The following SULT1A1 variants were observed in gnomAD, a reference collection of about 807,000 sequenced individuals.
The protein encoded by SULT1A1 is sulfotransferase 1A1.
In SULT1A1, 35 loss-of-function variants were observed where a neutral mutation model predicts 36.8. That is an observed-to-expected ratio of 0.95 (90% CI 0.73 to 1.26). SULT1A1 has a LOEUF of 1.26. Among genes scored for constraint, SULT1A1 ranks in the 50% most tolerant of loss-of-function variants. The probability of loss-of-function intolerance (pLI) is 0.00; values close to 1 mark genes in which losing one functional copy is unlikely to be tolerated. For missense variants in SULT1A1, 309 were observed against 383.0 expected, an observed-to-expected ratio of 0.81 and a Z score of 1.61; for synonymous variants, 119 against 146.0, an observed-to-expected ratio of 0.82 and a Z score of 1.33.
intron 1 of SULT1A1, chr16:28,620,226 A>T: frequency 8.5e-7 from 1 of 1,177,796 alleles, no homozygotes; most frequent in Non-Finnish European, 1.2e-6. Flanking sequence ...AATGCAAAGT[A>T]ACCATCACTA....
At chr16:28,610,107 G>C, upstream of SULT1A1, 1 of 1,284,968 alleles carries the variant, frequency 7.8e-7, no homozygotes, top group Admixed American at 2.3e-5. Flanking sequence ...GTGGGGTTGG[G>C]GGTGGGGGAG....
At chr16:28,609,157 G>A in intron 1 of SULT1A1, 1 of 1,382,972 alleles carries the variant, frequency 7.2e-7, no homozygotes, top group Non-Finnish European at 9.4e-7. Flanking sequence ...ATGTCAGGGT[G>A]TGTGAAGGTC....
intron 2 of SULT1A1, among the ~76,000 whole-genome samples, chr16:28,616,418 C>G (rs906370077): frequency 6.6e-6 from 1 of 152,090 alleles, no homozygotes; most frequent in African/African-American, 2.4e-5. Flanking sequence ...TCTTGAGTAG[C>G]TGGGATTACA....
At chr16:28,622,321 G>A (rs2047672947) in intron 1 of SULT1A1, among the ~76,000 whole-genome samples, 1 of 152,084 alleles carries the variant, frequency 6.6e-6, no homozygotes, top group Admixed American at 6.6e-5. Flanking sequence ...AATGAACCCC[G>A]GTATTTTTCA....
At position 28,617,783 on chromosome 16, in the gene SULT1A1, G is replaced by A. The variant is rs540354697; in HGVS notation, c.138+2280C>T. The stretch of plus-strand genomic sequence containing the variant: ...TCTCAATCTCTTGACCTAGTGATCC[G>A]CCTGCCAAAGTGCTGGGATTACAGG... On this transcript the variant is annotated intron_variant, in intron 2 of 5. Transcript: ENST00000350842. 3.2e-4 allele frequency among the ~76,000 whole-genome samples: 48 copies of A among 152,018 alleles called. 1 individual carries two copies. The South Asian group carries it at 9.6e-3, about 30-fold the overall frequency.
At chr16:28,607,140 T>C (rs1596628955) in intron 4 of SULT1A1, 63 bp from the exon 5 acceptor site, 1 of 1,599,302 alleles carries the variant, frequency 6.3e-7, no homozygotes, top group African/African-American at 1.3e-5. Flanking sequence ...GGCCAGCTCA[T>C]CTCTTGGATT....
intron 2 of SULT1A1, among the ~76,000 whole-genome samples, chr16:28,619,635 G>A (rs937441228): frequency 4.0e-5 from 6 of 151,840 alleles, no homozygotes; most frequent in African/African-American, 7.3e-5. Context: ...TGGGAGGATC[G>A]CTTGAGCTCA....
intron 2 of SULT1A1, among the ~76,000 whole-genome samples, chr16:28,618,377 G>A (rs1210278278): frequency 6.2e-5 from 7 of 113,062 alleles, no homozygotes; most frequent in Non-Finnish European, 1.0e-4. Context: ...ACAGAGTCTC[G>A]CTCTGTCGCC....
At position 28,605,886 on chromosome 16, in the gene SULT1A1, G is replaced by A. The variant is rs375683981; in HGVS notation, c.823C>T (p.Arg275Cys). The A allele has an allele frequency of 9.7e-5, 156 of 1,609,424 alleles. 3 individuals carry two copies. The African/African-American group carries it at 1.5e-3, about 15-fold the overall frequency. The change falls in exon 8 of 8, where the codon CGC becomes TGC. Residue 275 changes from arginine (R) to cysteine (C), a missense_variant. Transcript: ENST00000314752. Reference protein sequence around the residue: ...KTTFTVAQNERFDADYAEKMA... With the variant: ...KTTFTVAQNECFDADYAEKMA... ...TTCTCCGCATAGTCCGCATCGAAGC[G>A]CTCATTCTGCGCCACGGTGAAGGTG...
In SULT1A1 at chr16:28,606,100, G is replaced by C. The variant is rs753810855; in HGVS notation, c.731C>G (p.Pro244Arg). 3.7e-6 allele frequency: 6 copies of C among 1,611,598 alleles called. No individual in the cohort carries two copies. The highest frequency in any genetic ancestry group is 3.3e-5 in the Admixed American group (2 of 59,822). Residue 244 changes from proline (P) to arginine (R), a missense_variant, in exon 7 of 8, where the codon CCC becomes CGC. By Grantham distance (103) the Pro-to-Arg change is moderately radical. Around this residue, in one of 3 missense-constraint regions of SULT1A1, gnomAD observed 67 missense variants for 122.0 expected, o/e 0.55. Coordinates refer to ENST00000314752, the MANE Select transcript of SULT1A1 (RefSeq NM_001055.4). ...KNPMTNYTTV[P>R]QEFMDHSISP... ...GATGCTGTGGTCCATGAACTCCTGG[G>C]GGACGGTGGTGTAGTTGGTCATAGG...
rs773550526 is a variant in SULT1A1, at chr16:28,606,790, G to C, written c.565C>G (p.Leu189Val). Residue 189 changes from leucine (L) to valine (V), a missense_variant, in exon 6 of 8, where the codon CTC (leucine) becomes GTC (valine). Leu to Val is a conservative substitution (Grantham distance 32, BLOSUM62 1). Transcript: ENST00000314752. ...TTCATGTCTTCATAGAAGAGGTAGA[G>C]AACAGGGTGGGTGCGGCTCAGCTCC... ...WWELSRTHPV[L>V]YLFYEDMKEN... 8.1e-6 allele frequency: 13 copies of C among 1,612,364 alleles called. No individual in the cohort carries two copies. The highest frequency in any genetic ancestry group is 1.1e-5 in the Non-Finnish European group (13 of 1,178,690).
At chr16:28,618,484 T>C (rs1300316495) in intron 2 of SULT1A1, among the ~76,000 whole-genome samples, 1 of 151,420 alleles carries the variant, frequency 6.6e-6, no homozygotes, top group Non-Finnish European at 1.5e-5. Flanking sequence ...TAGCTGGAAC[T>C]ACAGGCTCGT....
intron 6 of SULT1A1, 42 bp downstream of exon 6, chr16:28,606,713 GCCTGCC>G: frequency 1.2e-6 from 2 of 1,602,152 alleles, no homozygotes; most frequent in South Asian, 2.2e-5. Context: ...CCTGTGAGGT[GCCTGCC>G]CCCAGGAGTC....
upstream of SULT1A1, chr16:28,610,390 G>A: frequency 2.2e-6 from 1 of 464,336 alleles, no homozygotes; most frequent in Non-Finnish European, 3.5e-6. Flanking sequence ...AGAGGGGAGG[G>A]ATTGGAGGAG....
At chr16:28,623,171 C>G in exon 1 of SULT1A1, 10 of 1,551,300 alleles carry the variant, frequency 6.4e-6, no homozygotes, top group Non-Finnish European at 8.7e-6. Flanking sequence ...CACCGACCAC[C>G]TGGTCGCACA....
chr16:28,615,587 G>C (rs1322846569), intron 2 of SULT1A1, among the ~76,000 whole-genome samples: 1 of 151,792 alleles, frequency 6.6e-6, no homozygotes, highest in Non-Finnish European at 1.5e-5. Context: ...ATGTTCTCAG[G>C]ATGCTGTGAC....
rs1458902204 is a variant in SULT1A1, at chr16:28,608,400, G to A, written c.275-12C>T. On this transcript the variant is annotated splice_polypyrimidine_tract_variant and intron_variant, in intron 3 of 7. Coordinates refer to ENST00000314752, the MANE Select transcript of SULT1A1 (RefSeq NM_001055.4). Reference sequence around the variant, plus strand: ...CAGAGTCTCCATCCCTGAGCAGTGGGTCAGGGAAGGTCTGGTGAGCTGAAG... The same window carrying A: ...CAGAGTCTCCATCCCTGAGCAGTGGATCAGGGAAGGTCTGGTGAGCTGAAG... 1.9e-6 allele frequency: 3 copies of A among 1,612,412 alleles called. No individual in the cohort carries two copies. Among genetic ancestry groups the A allele is most frequent in the Non-Finnish European group, 2.5e-6 (3 of 1,178,652 alleles).
intron 6 of SULT1A1, 150 bp from the exon 7 acceptor site, chr16:28,606,386 G>A (rs984572572): frequency 1.0e-4 from 144 of 1,418,874 alleles, no homozygotes; most frequent in Admixed American, 2.7e-4. Flanking sequence ...CCCCAGTCCC[G>A]GGGGTAAAAA....
intron 4 of SULT1A1, 43 bp downstream of exon 4, chr16:28,608,248 A>C: frequency 6.2e-7 from 1 of 1,607,830 alleles, no homozygotes; most frequent in African/African-American, 1.3e-5. Context: ...CAGCCTCCCA[A>C]AGTGCTGGGA....
Sources: gnomAD v4.1 joint callset for allele counts (sites outside exome capture counted in the v4.1 genomes callset) on GRCh38, gnomAD v4.1.1 for gene constraint, gnomAD v4.1.1 regional missense constraint, MANE v1.5 for transcripts, NCBI Gene and HGNC (gene_info 2026-07-23, HGNC 2026-07-21) for gene names.